Variants in GSE1 observed in about 807,000 individuals in gnomAD.
GSE1 encodes Gse1 coiled-coil protein, also known as genetic suppressor element 1.
In GSE1, 32 loss-of-function variants were observed where a neutral mutation model predicts 112.6. The observed-to-expected ratio is 0.28, with a 90% CI of 0.21 to 0.38. GSE1 has a LOEUF of 0.38. Among genes scored for constraint, GSE1 ranks in the 10% least tolerant of loss-of-function variants. The pLI, the probability that GSE1 is intolerant of heterozygous loss-of-function variation, is 1.00. For missense variants in GSE1, 2,348 were observed against 1,699.2 expected (o/e 1.38, Z -6.71); for synonymous variants, 1,115 against 735.6 (o/e 1.52, Z -8.35).
chr16:85,569,349 C>T (rs1273792752), intron 1 of GSE1, among the ~76,000 whole-genome samples: 1 of 152,226 alleles, frequency 6.6e-6, no homozygotes, highest in Non-Finnish European at 1.5e-5. Flanking sequence ...TATTTAGTAG[C>T]TGAGCCCCTG....
chr16:85,314,259 G>A (rs2045937085), intron 1 of GSE1, among the ~76,000 whole-genome samples: 1 of 152,210 alleles, frequency 6.6e-6, no homozygotes. Context: ...AAACCAGCCA[G>A]ACCCTACACA....
Position 85,672,545 on chromosome 16 carries a change from TC to T in GSE1, c.*9del, listed in dbSNP as rs746888810. ...TGAAGGGATATCCCAGGTGACGGTT[TC>T]CCTTGCACTAGGCCGAACCTATAGT... On this transcript the variant is annotated 3_prime_UTR_variant, in exon 16 of 16. Transcript: ENST00000253458. 5 of 1,596,144 alleles carry T rather than the reference TC, an allele frequency of 3.1e-6. No homozygotes were observed. The East Asian group carries it at 6.7e-5, about 22-fold the overall frequency.
At chr16:85,182,713 G>C (rs567105425) in intron 1 of GSE1, among the ~76,000 whole-genome samples, 1 of 152,126 alleles carries the variant, frequency 6.6e-6, no homozygotes, top group African/African-American at 2.4e-5. Context: ...TGCAGTGCAG[G>C]TCTTCAGGGA....
chr16:85,483,359 C>T (rs1277268514), intron 2 of GSE1, among the ~76,000 whole-genome samples: 2 of 152,210 alleles, frequency 1.3e-5, no homozygotes, highest in Admixed American at 6.5e-5. Flanking sequence ...GAGTTGAGTC[C>T]CCTTCTCTGT....
chr16:85,641,353 C>T (rs1392603799), intron 2 of GSE1, among the ~76,000 whole-genome samples: 3 of 152,234 alleles, frequency 2.0e-5, no homozygotes, highest in East Asian at 3.9e-4. Flanking sequence ...GCACCTCCCG[C>T]TGTCAGTTTG....
At chr16:85,177,574 A>T (rs2074492921) in intron 1 of GSE1, among the ~76,000 whole-genome samples, 3 of 152,160 alleles carry the variant, frequency 2.0e-5, no homozygotes, top group Non-Finnish European at 4.4e-5. Context: ...CAAAGATCAC[A>T]GGCGATTTGC....
chr16:85,241,449 G>T (rs1049314506), intron 1 of GSE1, among the ~76,000 whole-genome samples: 1 of 152,248 alleles, frequency 6.6e-6, no homozygotes, highest in African/African-American at 2.4e-5. Flanking sequence ...GTCTGCTGTG[G>T]TGGGAGTGTT....
chr16:85,304,818 C>A (rs1357602214), intron 1 of GSE1, among the ~76,000 whole-genome samples: 1 of 152,206 alleles, frequency 6.6e-6, no homozygotes, highest in South Asian at 2.1e-4. Context: ...GACTCAATGT[C>A]CCCCTCTTTC....
At chr16:85,423,494 G>A (rs1567474721) in intron 2 of GSE1, among the ~76,000 whole-genome samples, 1 of 152,220 alleles carries the variant, frequency 6.6e-6, no homozygotes. Context: ...CTTAAAGCTG[G>A]CGATTCCAGT....
chr16:85,665,408 G>A (rs1031678846), intron 12 of GSE1, among the ~76,000 whole-genome samples: 1 of 152,168 alleles, frequency 6.6e-6, no homozygotes, highest in African/African-American at 2.4e-5. Flanking sequence ...CTTCAGTTAC[G>A]GCACAGAGGC....
intron 1 of GSE1, among the ~76,000 whole-genome samples, chr16:85,300,700 C>T (rs1288434832): frequency 1.3e-5 from 2 of 152,242 alleles, no homozygotes; most frequent in Non-Finnish European, 2.9e-5. Context: ...CAGGGTTCCA[C>T]TTTGGAGCAG....
chr16:85,556,763 C>CG (rs1491336051), intron 1 of GSE1, among the ~76,000 whole-genome samples: 1 of 111,472 alleles, frequency 9.0e-6, no homozygotes, highest in Non-Finnish European at 2.0e-5. Flanking sequence ...CCCCCCCCCC[C>CG]AGTCCTGGGG....
At chr16:85,422,101 CAT>C (rs2048858503) in intron 2 of GSE1, among the ~76,000 whole-genome samples, 1 of 152,176 alleles carries the variant, frequency 6.6e-6, no homozygotes, top group Non-Finnish European at 1.5e-5. Flanking sequence ...CCAGGCAGGC[CAT>C]CATCGAACCC....
Position 85,602,279 on chromosome 16 carries a change from G to C in GSE1, c.37+45916G>C, listed in dbSNP as rs77529638. Among the ~76,000 whole-genome samples, 760 of 152,296 alleles carry C rather than the reference G, an allele frequency of 5.0e-3. 42 individuals are homozygous for C. The East Asian group carries it at 0.12, about 25-fold the overall frequency. ...AGGGAGGAGGCGGGGCGGGAGCAGC[G>C]TGTGGACTGATTCACAGGCCTGCGT... On this transcript the variant is annotated intron_variant, in intron 1 of 2. Coordinates refer to the GSE1 transcript ENST00000635906.
intron 6 of GSE1, 34 bp downstream of exon 6, chr16:85,655,951 C>A: frequency 6.5e-7 from 1 of 1,529,564 alleles, no homozygotes; most frequent in Non-Finnish European, 8.9e-7. Flanking sequence ...GCCCCTCTGC[C>A]CTCCCTGTCC....
chr16:85,210,517 A>T (rs1233414023), intron 1 of GSE1, among the ~76,000 whole-genome samples: 1 of 152,126 alleles, frequency 6.6e-6, no homozygotes, highest in Non-Finnish European at 1.5e-5. Context: ...TGAGCCAGGG[A>T]GGTCCAGGCT....
chr16:85,341,675 A>G (rs2046627107), intron 1 of GSE1, among the ~76,000 whole-genome samples: 1 of 151,548 alleles, frequency 6.6e-6, no homozygotes, highest in Admixed American at 6.6e-5. Flanking sequence ...AATAAATAAA[A>G]ATTTTGTAGA....
intron 3 of GSE1, 104 bp downstream of exon 3, chr16:85,648,855 G>A: frequency 1.6e-6 from 1 of 618,686 alleles, no homozygotes; most frequent in Non-Finnish European, 2.7e-6. Flanking sequence ...TTACATTCCA[G>A]ACACCCCCTC....
At chr16:85,288,832 A>G (rs1490812008) in intron 1 of GSE1, among the ~76,000 whole-genome samples, 1 of 152,128 alleles carries the variant, frequency 6.6e-6, no homozygotes, top group Non-Finnish European at 1.5e-5. Flanking sequence ...TGCAGGAGGC[A>G]CCCACCCTGA....
Sources: allele counts gnomAD v4.1 joint callset (sites outside exome capture counted in the v4.1 genomes callset), GRCh38; gene constraint gnomAD v4.1.1; transcripts MANE v1.5; gene names NCBI Gene and HGNC (gene_info 2026-07-23, HGNC 2026-07-21).